DUSP14: variants seen among roughly 807,000 people sequenced by gnomAD.
The protein encoded by DUSP14 is dual specificity protein phosphatase 14.
Under a neutral mutation model 13.2 loss-of-function variants are expected in DUSP14, and 5 were observed. The observed-to-expected ratio is 0.38, with a 90% CI of 0.20 to 0.80. The LOEUF (loss-of-function observed/expected upper bound fraction) is 0.80. DUSP14 is among the 30% of genes least tolerant of loss of function. The pLI, the probability that DUSP14 is intolerant of heterozygous loss-of-function variation, is 0.44. For synonymous variants in DUSP14, 91 were observed against 103.4 expected (o/e 0.88, Z 0.73); for missense variants, 185 against 264.0 (o/e 0.70, Z 2.07).
chr17:37,495,834 A>G (rs917279301), intron 1 of DUSP14, among the ~76,000 whole-genome samples: 1 of 151,700 alleles, frequency 6.6e-6, no homozygotes, highest in East Asian at 2.0e-4. Context: ...TAATTTTTCT[A>G]TTTTTAGTAG....
rs188592249 is a variant in DUSP14, at chr17:37,506,298, C to G, written c.-180-4379C>G. Reference sequence around the variant, plus strand: ...CCCCGTCCCCCTGCAAAAAAGAAAACAAAAAAACCCAAAAAACCCTGGGGT... The same window carrying G: ...CCCCGTCCCCCTGCAAAAAAGAAAAGAAAAAAACCCAAAAAACCCTGGGGT... On this transcript the variant is annotated intron_variant, in intron 1 of 2. Coordinates refer to ENST00000617516, the MANE Select transcript of DUSP14 (RefSeq NM_007026.4). 1.9e-3 allele frequency among the ~76,000 whole-genome samples: 244 copies of G among 131,110 alleles called. 2 individuals carry two copies. The highest frequency in any genetic ancestry group is 0.018 in the Middle Eastern group (4 of 226). The allele number at this position is 131,110 out of a possible 152,430, so 86.0% of individuals were successfully genotyped here. A position where few individuals can be genotyped will look rare whatever the true frequency, so the allele number is the denominator to read the frequency against.
At chr17:37,511,937 A>ATTTTTTTTTTTTTTTTT (rs1329764853) in intron 2 of DUSP14, among the ~76,000 whole-genome samples, 3 of 16,436 alleles carry the variant, frequency 1.8e-4, no homozygotes, top group Admixed American at 8.2e-4. Context: ...CCCCCACCCC[A>ATTTTTTTTTTTTTTTTT]CTTTTTTTTT....
intron 1 of DUSP14, among the ~76,000 whole-genome samples, chr17:37,494,420 C>G (rs1310411254): frequency 6.6e-6 from 1 of 152,162 alleles, no homozygotes; most frequent in Non-Finnish European, 1.5e-5. Context: ...CAGTGTGGCT[C>G]AGGCTGGCCT....
At chr17:37,510,588 A>T (rs528854111) in intron 1 of DUSP14, 89 bp from the exon 2 acceptor site, 1 of 152,294 alleles carries the variant, frequency 6.6e-6, no homozygotes, top group African/African-American at 2.4e-5. Flanking sequence ...GCTCTATTTC[A>T]GTCAAACCTG....
At chr17:37,509,137 A>ATATATATGTG in intron 1 of DUSP14, among the ~76,000 whole-genome samples, 1 of 46,408 alleles carries the variant, frequency 2.2e-5, no homozygotes. Context: ...ATACACACAC[A>ATATATATGTG]CACACACACA....
chr17:37,499,633 G>A (rs763729277), intron 1 of DUSP14, among the ~76,000 whole-genome samples: 5 of 152,074 alleles, frequency 3.3e-5, no homozygotes, highest in Non-Finnish European at 4.4e-5. Flanking sequence ...GGGTTCAAGC[G>A]ATTCTCCTGC....
chr17:37,512,059 T>C lies in DUSP14; in HGVS notation c.-92-122T>C. On this transcript the variant is annotated intron_variant, in intron 2 of 2. Transcript: ENST00000617516. This position sits in a 1 kb window ranked among gnomAD's most constrained non-coding sequence, Gnocchi z 4.8. ...GATAGAAAATGATTTGTCTGTATCCTTGAAAGATTGTACTGTATTATTTAA... is the reference window on the plus strand; with the variant it reads ...GATAGAAAATGATTTGTCTGTATCCCTGAAAGATTGTACTGTATTATTTAA... 1 of 485,220 alleles carries C rather than the reference T, an allele frequency of 2.1e-6. No homozygotes were observed. The allele number at this position is 485,220 out of a possible 1,614,324, so 30.1% of individuals were successfully genotyped here.
At chr17:37,506,749 C>T (rs565559483) in intron 1 of DUSP14, among the ~76,000 whole-genome samples, 2 of 152,312 alleles carry the variant, frequency 1.3e-5, no homozygotes, top group South Asian at 4.1e-4. Flanking sequence ...GTAGTGCCTA[C>T]TCTGGGGCTG....
intron 1 of DUSP14, among the ~76,000 whole-genome samples, chr17:37,499,089 C>T (rs1211554655): frequency 6.6e-6 from 1 of 152,206 alleles, no homozygotes. Flanking sequence ...AATTGACTCG[C>T]TGTTCCACAT....
At chr17:37,491,233 G>T (rs765667813) in intron 1 of DUSP14, among the ~76,000 whole-genome samples, 41 of 152,164 alleles carry the variant, frequency 2.7e-4, no homozygotes, top group Non-Finnish European at 4.6e-4. Context: ...ACTCATAAAG[G>T]CCCCCAGTCT....
chr17:37,495,313 C>T (rs986155772), intron 1 of DUSP14, among the ~76,000 whole-genome samples: 30 of 152,218 alleles, frequency 2.0e-4, no homozygotes, highest in African/African-American at 6.5e-4. Context: ...CTAGAGCAAC[C>T]AGAGGTCCGG....
intron 2 of DUSP14, among the ~76,000 whole-genome samples, chr17:37,511,921 AC>A (rs71135738): frequency 0.29 from 13,962 of 48,648 alleles, 1,450 homozygotes; most frequent in African/African-American, 0.39. Flanking sequence ...ATGCCCAGCC[AC>A]CCCCCCCCCA....
intron 1 of DUSP14, among the ~76,000 whole-genome samples, chr17:37,492,528 AG>A (rs1179276328): frequency 6.6e-6 from 1 of 152,218 alleles, no homozygotes; most frequent in East Asian, 1.9e-4. Context: ...ACATTTACCG[AG>A]GACTTTTACC....
At chr17:37,500,987 T>C (rs1469724744) in intron 1 of DUSP14, among the ~76,000 whole-genome samples, 1 of 151,904 alleles carries the variant, frequency 6.6e-6, no homozygotes, top group Non-Finnish European at 1.5e-5. Flanking sequence ...TTTGAATGGA[T>C]GGATCCATTG....
At chr17:37,496,929 AAAAAAG>A (rs2054069420) in intron 1 of DUSP14, among the ~76,000 whole-genome samples, 2 of 142,578 alleles carry the variant, frequency 1.4e-5, no homozygotes, top group African/African-American at 5.0e-5. Flanking sequence ...AAAAAAAAAA[AAAAAAG>A]AAAAGAAAAT....
intron 1 of DUSP14, among the ~76,000 whole-genome samples, chr17:37,509,125 A>ATATATATATATATATG (rs2054158776): frequency 5.0e-5 from 2 of 40,006 alleles, no homozygotes; most frequent in African/African-American, 2.3e-4. Context: ...ATATATATAT[A>ATATATATATATATATG]TATACACACA....
intron 1 of DUSP14, among the ~76,000 whole-genome samples, chr17:37,495,852 G>GT (rs926142821): frequency 2.0e-5 from 3 of 151,974 alleles, no homozygotes; most frequent in African/African-American, 7.3e-5. Context: ...TAGAGACAGG[G>GT]TTTCACCATG....
chr17:37,509,273 A>G (rs867789574), intron 1 of DUSP14, among the ~76,000 whole-genome samples: 40,285 of 69,070 alleles, frequency 0.58, 11,960 homozygotes, highest in East Asian at 0.88. Flanking sequence ...ATATATATAT[A>G]TATATATATA....
rs1336645972 is a variant in DUSP14 at position 37,509,165 on chromosome 17, ACACT to A, written c.-180-1510_-180-1507del. Among the ~76,000 whole-genome samples, 6 of 56,200 alleles carry A rather than the reference ACACT, an allele frequency of 1.1e-4. 1 individual carries two copies. In the East Asian group the frequency reaches 2.1e-3, roughly 20 times the overall value. The allele number at this position is 56,200 out of a possible 152,430, so 36.9% of individuals were successfully genotyped here. A position where few individuals can be genotyped will look rare whatever the true frequency, so the allele number is the denominator to read the frequency against. On this transcript the variant is annotated intron_variant, in intron 1 of 2. Transcript: ENST00000617516. The stretch of plus-strand genomic sequence containing the variant: ...CACACACACACACACACACACACAC[ACACT>A]CTATATATATATGTACTATGTATAT...
Sources: gnomAD v4.1 joint callset for allele counts (sites outside exome capture counted in the v4.1 genomes callset) on GRCh38, gnomAD v4.1.1 for gene constraint, Gnocchi (gnomAD v3.1) non-coding constraint, MANE v1.5 for transcripts, NCBI Gene and HGNC (gene_info 2026-07-23, HGNC 2026-07-21) for gene names.